The following NSD1 variants were observed in gnomAD, a reference collection of about 807,000 sequenced individuals.
NSD1 encodes nuclear receptor binding SET domain protein 1.
In NSD1, 26 loss-of-function variants were observed where a neutral mutation model predicts 242.7. The observed-to-expected ratio is 0.11, with a 90% CI of 0.08 to 0.15. The LOEUF is 0.15. NSD1 is among the 10% of genes least tolerant of loss of function. The pLI is 1.00. For synonymous variants in NSD1, 1,106 were observed against 1,178.1 expected (o/e 0.94, Z 1.25); for missense variants, 2,495 against 3,272.8 (o/e 0.76, Z 5.80).
chr5:177,294,778 T>C lies in NSD1; in HGVS notation c.7410T>C (p.Ala2470=), dbSNP rs368743619. The C allele has an allele frequency of 1.2e-5, 19 of 1,613,660 alleles. No homozygotes were observed. The highest frequency in any genetic ancestry group is 2.7e-5 in the African/African-American group (2 of 74,944). The part of the protein sequence containing the change: ...DLTPRQKERA[A]SPHQVTPQAD... ...CTCCTCGCCAGAAGGAGCGGGCAGCTTCACCTCATCAGGTCACACCACAGG... is the reference window on the plus strand; with the variant it reads ...CTCCTCGCCAGAAGGAGCGGGCAGCCTCACCTCATCAGGTCACACCACAGG... The change falls in exon 23 of 23, where the codon GCT becomes GCC. Residue 2470 remains alanine, a synonymous_variant. Transcript: ENST00000439151.
upstream of NSD1, chr5:177,133,472 C>T (rs1366910639): frequency 1.3e-5 from 2 of 151,576 alleles, no homozygotes; most frequent in Admixed American, 1.3e-4. This position sits in a 1 kb window ranked among gnomAD's most constrained non-coding sequence, Gnocchi z 6.2. Flanking sequence ...GCGCGCGAGG[C>T]CCCTGGGGAG....
intron 14 of NSD1, among the ~76,000 whole-genome samples, chr5:177,261,139 C>T (rs1756963680): frequency 1.3e-5 from 2 of 151,958 alleles, no homozygotes; most frequent in South Asian, 2.1e-4. Flanking sequence ...TCTGCTGCCA[C>T]GCCACTCCCC....
At chr5:177,202,325 T>G (rs1392974440) in intron 3 of NSD1, among the ~76,000 whole-genome samples, 1 of 152,176 alleles carries the variant, frequency 6.6e-6, no homozygotes, top group Non-Finnish European at 1.5e-5. Flanking sequence ...AGTGAGTTCT[T>G]TTTTCTCCTC....
At chr5:177,156,058 T>A (rs1758106976) in intron 2 of NSD1, among the ~76,000 whole-genome samples, 1 of 151,748 alleles carries the variant, frequency 6.6e-6, no homozygotes, top group Non-Finnish European at 1.5e-5. Flanking sequence ...GGAAAAGGAA[T>A]AATAAATATT....
intron 4 of NSD1, among the ~76,000 whole-genome samples, chr5:177,208,686 G>A (rs946097781): frequency 6.7e-6 from 1 of 148,382 alleles, no homozygotes; most frequent in Non-Finnish European, 1.5e-5. Flanking sequence ...ACATGTGTTT[G>A]GCCTTCATAT....
chr5:177,212,461 TTCTC>T (rs753799201), intron 5 of NSD1, among the ~76,000 whole-genome samples: 4 of 145,820 alleles, frequency 2.7e-5, no homozygotes, highest in African/African-American at 7.9e-5. Flanking sequence ...CTTTCTCACT[TTCTC>T]TCTCTCTCTT....
intron 2 of NSD1, among the ~76,000 whole-genome samples, chr5:177,185,754 A>C (rs1761074356): frequency 1.1e-5 from 1 of 90,832 alleles, no homozygotes; most frequent in Non-Finnish European, 1.9e-5. Flanking sequence ...ATTATATATA[A>C]TATATTTTAT....
In NSD1 at chr5:177,297,018, T is replaced by C. The variant is rs1290214913; in HGVS notation, c.*1559T>C. On this transcript the variant is annotated 3_prime_UTR_variant, in exon 23 of 23. Coordinates refer to ENST00000439151, the MANE Select transcript of NSD1 (RefSeq NM_022455.5). ...TGGTCCCAATTTCCTCAAGTTCTTA[T>C]TGAGGTTACTCCCATCAATTCCACG... The C allele has an allele frequency of 8.6e-6, 2 of 233,224 alleles. No individual in the cohort carries two copies. The highest frequency in any genetic ancestry group is 6.0e-5 in the East Asian group (1 of 16,606). 14.4% of individuals were successfully genotyped at this position (233,224 alleles called of 1,614,324 possible). A position where few individuals can be genotyped will look rare whatever the true frequency, so the allele number is the denominator to read the frequency against.
At chr5:177,192,623 C>G (rs371596107) in intron 3 of NSD1, among the ~76,000 whole-genome samples, 1 of 152,062 alleles carries the variant, frequency 6.6e-6, no homozygotes, top group Non-Finnish European at 1.5e-5. Flanking sequence ...CTCGAGCTCC[C>G]GACCTCAGGC....
intron 14 of NSD1, among the ~76,000 whole-genome samples, chr5:177,267,323 A>G (rs1185706019): frequency 6.6e-6 from 1 of 152,250 alleles, no homozygotes; most frequent in Non-Finnish European, 1.5e-5. Flanking sequence ...TAGCTCAGCA[A>G]GGAAAGTGAA....
At chr5:177,287,910 AAACTAT>A in intron 20 of NSD1, among the ~76,000 whole-genome samples, 1 of 152,254 alleles carries the variant, frequency 6.6e-6, no homozygotes, top group Non-Finnish European at 1.5e-5. Flanking sequence ...ATTCGATGAA[AAACTAT>A]GTATAGCAGT....
At chr5:177,188,333 A>G (rs185089231) in intron 2 of NSD1, among the ~76,000 whole-genome samples, 1 of 152,242 alleles carries the variant, frequency 6.6e-6, no homozygotes, top group African/African-American at 2.4e-5. Flanking sequence ...AAGTTTATTT[A>G]TTAAGATCAG....
chr5:177,276,051 C>T lies in NSD1; in HGVS notation c.5622+2267C>T, dbSNP rs1051702203. On this transcript the variant is annotated intron_variant, in intron 17 of 22. Transcript: ENST00000439151. ...ATTCTCCTGCCTCCTGCCTCAGTCT[C>T]CTAAGTAGCTGGGATTACAGACATG... Among the ~76,000 whole-genome samples, 11 of 152,036 alleles carry T rather than the reference C, an allele frequency of 7.2e-5. 1 individual carries two copies. The highest frequency in any genetic ancestry group is 3.3e-4 in the Admixed American group (5 of 15,268).
intron 3 of NSD1, among the ~76,000 whole-genome samples, chr5:177,193,690 T>C (rs1023400690): frequency 1.3e-5 from 2 of 152,212 alleles, no homozygotes; most frequent in African/African-American, 4.8e-5. Flanking sequence ...TTCAGAAAAA[T>C]CAGCTTACTC....
At chr5:177,197,587 A>T in intron 3 of NSD1, among the ~76,000 whole-genome samples, 1 of 152,022 alleles carries the variant, frequency 6.6e-6, no homozygotes, top group East Asian at 1.9e-4. Context: ...ACGCCACTGC[A>T]CTCCAGCCTG....
intron 8 of NSD1, 106 bp from the exon 9 acceptor site, chr5:177,244,089 C>A: frequency 1.2e-6 from 1 of 847,466 alleles, no homozygotes; most frequent in Non-Finnish European, 2.0e-6. Context: ...TAAAACAAGT[C>A]AAAATTCAAT....
chr5:177,272,258 G>C (rs1044296658), intron 16 of NSD1, among the ~76,000 whole-genome samples: 1 of 151,990 alleles, frequency 6.6e-6, no homozygotes, highest in African/African-American at 2.4e-5. Flanking sequence ...AGGACATGCT[G>C]AATAATGTTC....
chr5:177,148,412 C>T (rs1757432002), intron 2 of NSD1, among the ~76,000 whole-genome samples: 1 of 151,714 alleles, frequency 6.6e-6, no homozygotes, highest in South Asian at 2.1e-4. Context: ...GCCACGGCGC[C>T]CCGCCAATGT....
Position 177,210,006 on chromosome 5 carries a change from A to G in NSD1, c.1607A>G (p.Asn536Ser), listed in dbSNP as rs1161551183. Residue 536 changes from asparagine (N) to serine (S), a missense_variant, in exon 5 of 23, where the codon AAC (asparagine) becomes AGC (serine). Physicochemically the swap from Asn to Ser is conservative, Grantham distance 46 (BLOSUM62 1). Around this residue, in one of 19 missense-constraint regions of NSD1, gnomAD observed 515 missense variants for 467.0 expected, o/e 1.10. Transcript: ENST00000439151. Reference protein sequence around the residue: ...RGKIPENLGLNFISGDISDTQ... With the variant: ...RGKIPENLGLSFISGDISDTQ... ...AAGATTCCAGAGAACCTTGGCCTAA[A>G]CTTTATCTCTGGGGATATATCTGAT... 6.2e-7 allele frequency: 1 copy of G among 1,614,066 alleles called. No homozygotes were observed. Among genetic ancestry groups the G allele is most frequent in the Admixed American group, 1.7e-5 (1 of 59,994 alleles).
Sources: gnomAD v4.1 joint callset for allele counts (sites outside exome capture counted in the v4.1 genomes callset) on GRCh38, gnomAD v4.1.1 for gene constraint, gnomAD v4.1.1 regional missense constraint, Gnocchi (gnomAD v3.1) non-coding constraint, MANE v1.5 for transcripts, NCBI Gene and HGNC (gene_info 2026-07-23, HGNC 2026-07-21) for gene names.